Variants in ATG10 observed in about 807,000 individuals in gnomAD.
ATG10 encodes the protein ubiquitin-like-conjugating enzyme ATG10.
A neutral mutation model predicts 32.1 loss-of-function variants in ATG10; 30 were observed. The observed-to-expected ratio is 0.94, with a 90% CI of 0.70 to 1.27. The LOEUF is 1.27. Among genes scored for constraint, ATG10 ranks in the 50% most tolerant of loss-of-function variants. ATG10 has a pLI of 0.00. For missense variants in ATG10, 233 were observed against 262.3 expected, an observed-to-expected ratio of 0.89 and a Z score of 0.77; for synonymous variants, 87 against 91.5, an observed-to-expected ratio of 0.95 and a Z score of 0.28.
At chr5:82,244,014 T>C (rs1218403150) in intron 5 of ATG10, among the ~76,000 whole-genome samples, 1 of 152,158 alleles carries the variant, frequency 6.6e-6, no homozygotes, top group Non-Finnish European at 1.5e-5. Flanking sequence ...TGGTAGGGAC[T>C]ATCACATAGT....
At chr5:82,103,720 G>T (rs1024636861) in intron 3 of ATG10, among the ~76,000 whole-genome samples, 2 of 151,826 alleles carry the variant, frequency 1.3e-5, no homozygotes, top group Admixed American at 1.3e-4. Flanking sequence ...CCTTGGGTGG[G>T]CTTCAGTGGT....
At chr5:82,048,750 A>G (rs957876159) in intron 2 of ATG10, among the ~76,000 whole-genome samples, 84 of 152,230 alleles carry the variant, frequency 5.5e-4, no homozygotes, top group Non-Finnish European at 1.1e-3. Flanking sequence ...ACATGAACAG[A>G]CACTTCTCAG....
chr5:82,184,712 A>G (rs1744380634), intron 5 of ATG10, among the ~76,000 whole-genome samples: 2 of 152,224 alleles, frequency 1.3e-5, no homozygotes, highest in South Asian at 4.1e-4. Flanking sequence ...TTCATACTAT[A>G]TATTAAAATA....
intron 2 of ATG10, among the ~76,000 whole-genome samples, chr5:82,036,530 G>A (rs1762931281): frequency 6.6e-6 from 1 of 152,124 alleles, no homozygotes; most frequent in Non-Finnish European, 1.5e-5. Context: ...GGAGGCGGAG[G>A]TTGCAGTGAG....
At chr5:82,042,866 C>T (rs1342800570) in intron 2 of ATG10, among the ~76,000 whole-genome samples, 1 of 152,206 alleles carries the variant, frequency 6.6e-6, no homozygotes, top group Non-Finnish European at 1.5e-5. Flanking sequence ...CAGGATACAG[C>T]TCCCATGGCT....
intron 1 of ATG10, 26 bp from the exon 2 acceptor site, chr5:81,987,533 G>T (rs750962962): frequency 7.0e-7 from 1 of 1,420,614 alleles, no homozygotes; most frequent in Non-Finnish European, 9.8e-7. Flanking sequence ...TAAAGTTGAT[G>T]CTAATACTTA....
intron 3 of ATG10, among the ~76,000 whole-genome samples, chr5:82,145,604 G>C (rs916449244): frequency 3.9e-5 from 6 of 151,988 alleles, no homozygotes; most frequent in Non-Finnish European, 8.8e-5. Flanking sequence ...ATGAACCTCA[G>C]TGTGTACAGA....
intron 3 of ATG10, among the ~76,000 whole-genome samples, chr5:82,084,166 C>T (rs960952320): frequency 3.9e-5 from 6 of 152,084 alleles, no homozygotes; most frequent in Non-Finnish European, 7.4e-5. Context: ...AACCATGGCA[C>T]GAGAGCTACG....
intron 3 of ATG10, among the ~76,000 whole-genome samples, chr5:82,111,764 A>G (rs937800630): frequency 6.6e-6 from 1 of 151,978 alleles, no homozygotes; most frequent in Non-Finnish European, 1.5e-5. Flanking sequence ...GAAACTATGA[A>G]GGGATGATCT....
intron 1 of ATG10, among the ~76,000 whole-genome samples, chr5:81,981,859 T>C (rs1485830857): frequency 6.6e-6 from 1 of 152,162 alleles, no homozygotes; most frequent in Non-Finnish European, 1.5e-5. Context: ...AAAATTGTTT[T>C]CAATTAAAAA....
intron 3 of ATG10, among the ~76,000 whole-genome samples, chr5:82,129,721 A>G (rs776248491): frequency 6.6e-6 from 1 of 152,102 alleles, no homozygotes; most frequent in Non-Finnish European, 1.5e-5. Context: ...TGGAAGCTTC[A>G]TCCCAGGGGG....
At chr5:82,147,228 G>A in intron 3 of ATG10, 1 of 234,200 alleles carries the variant, frequency 4.3e-6, no homozygotes, top group Non-Finnish European at 8.7e-6. Flanking sequence ...GAGTGCAGTT[G>A]CGTGATCTCA....
At chr5:82,110,144 G>T (rs1301033637) in intron 3 of ATG10, among the ~76,000 whole-genome samples, 1 of 151,980 alleles carries the variant, frequency 6.6e-6, no homozygotes, top group Non-Finnish European at 1.5e-5. Flanking sequence ...CTTTTTTATG[G>T]CTGCATAGTA....
intron 2 of ATG10, among the ~76,000 whole-genome samples, chr5:82,001,099 A>G (rs1483868073): frequency 6.6e-6 from 1 of 152,250 alleles, no homozygotes; most frequent in East Asian, 1.9e-4. Context: ...CTCTACCATG[A>G]GAATTAGAAA....
intron 5 of ATG10, among the ~76,000 whole-genome samples, chr5:82,196,909 G>T (rs1181276039): frequency 6.6e-6 from 1 of 152,166 alleles, no homozygotes; most frequent in Non-Finnish European, 1.5e-5. Flanking sequence ...CTTAGCATCA[G>T]TTTCTCAATT....
chr5:82,225,158 A>G (rs1213438884), intron 5 of ATG10, among the ~76,000 whole-genome samples: 2 of 152,154 alleles, frequency 1.3e-5, no homozygotes, highest in Admixed American at 6.5e-5. Context: ...AGAAATTTCA[A>G]ATTTTATGGG....
rs375408916 is a variant in ATG10, at chr5:82,219,257, A to G, written c.454-33305A>G. On this transcript the variant is annotated intron_variant, in intron 5 of 7. Coordinates refer to ENST00000282185, the MANE Select transcript of ATG10 (RefSeq NM_031482.5). ...GCTTTCATTTACATCTGATTTTAGAACAAGTAGTATTTTAAAATCTGGTCA... is the reference window on the plus strand; with the variant it reads ...GCTTTCATTTACATCTGATTTTAGAGCAAGTAGTATTTTAAAATCTGGTCA... Among the ~76,000 whole-genome samples the G allele has an allele frequency of 1.2e-4, 18 of 152,330 alleles. No individual in the cohort carries two copies. In the East Asian group the frequency reaches 3.5e-3, roughly 29 times the overall value.
At chr5:82,243,401 G>A (rs1384291467) in intron 5 of ATG10, among the ~76,000 whole-genome samples, 1 of 151,948 alleles carries the variant, frequency 6.6e-6, no homozygotes. Context: ...TGTAAAGGTG[G>A]ATATTTAAAA....
chr5:82,022,653 G>T (rs1415541512), intron 2 of ATG10, among the ~76,000 whole-genome samples: 1 of 146,768 alleles, frequency 6.8e-6, no homozygotes, highest in Admixed American at 6.9e-5. Flanking sequence ...TTTTTAAAGA[G>T]GAAAGTCCAT....
Sources: allele counts gnomAD v4.1 joint callset (sites outside exome capture counted in the v4.1 genomes callset), GRCh38; gene constraint gnomAD v4.1.1; transcripts MANE v1.5; gene names NCBI Gene and HGNC (gene_info 2026-07-23, HGNC 2026-07-21).